Variants in SOD2 observed in about 807,000 individuals in gnomAD.
SOD2 encodes superoxide dismutase [Mn], mitochondrial.
Under a neutral mutation model 27.0 loss-of-function variants are expected in SOD2, and 11 were observed. The ratio of observed to expected loss-of-function variants is 0.41; its 90% CI spans 0.26 to 0.67. SOD2 has a LOEUF of 0.67. SOD2 is among the 30% of genes least tolerant of loss of function. SOD2 has a pLI of 0.34. For missense variants in SOD2, 250 were observed against 274.5 expected, an observed-to-expected ratio of 0.91 and a Z score of 0.63; for synonymous variants, 105 against 103.0, an observed-to-expected ratio of 1.02 and a Z score of -0.12.
upstream of SOD2, chr6:159,727,597 C>T: frequency 1.0e-6 from 1 of 986,536 alleles, no homozygotes; most frequent in Non-Finnish European, 1.2e-6. Flanking sequence ...GGGCCGGCGG[C>T]AGAGCTGTCC....
At chr6:159,713,947 CT>C in intron 1 of SOD2, 2 of 850,272 alleles carry the variant, frequency 2.4e-6, no homozygotes, top group Non-Finnish European at 3.7e-6. Context: ...GGCCCTGGAC[CT>C]TCACCACGAA....
intron 1 of SOD2, chr6:159,726,921 G>A (rs1194138357): frequency 1.6e-6 from 2 of 1,288,794 alleles, no homozygotes; most frequent in Non-Finnish European, 2.0e-6. Context: ...GGTGGCACCT[G>A]GTCCTCCGAC....
At chr6:159,719,915 G>A (rs186668155) in intron 1 of SOD2, among the ~76,000 whole-genome samples, 1 of 151,154 alleles carries the variant, frequency 6.6e-6, no homozygotes, top group Non-Finnish European at 1.5e-5. Context: ...GCAGAGACAG[G>A]GTTTCACCAT....
intron 1 of SOD2, among the ~76,000 whole-genome samples, chr6:159,702,654 C>CAAAAAA (rs750073120): frequency 3.3e-4 from 13 of 39,822 alleles, no homozygotes; most frequent in East Asian, 8.7e-4. Flanking sequence ...TCTATCTCTC[C>CAAAAAA]AAAAAAAAAA....
At chr6:159,693,039 G>T (rs1423738940) in intron 1 of SOD2, 106 bp downstream of exon 1, 5 of 1,469,408 alleles carry the variant, frequency 3.4e-6, no homozygotes, top group Non-Finnish European at 2.7e-6. Flanking sequence ...CAGGTGCCCC[G>T]GTCCCGCCAG....
chr6:159,703,245 T>C (rs962026347), intron 1 of SOD2, among the ~76,000 whole-genome samples: 2 of 151,538 alleles, frequency 1.3e-5, no homozygotes, highest in Non-Finnish European at 1.5e-5. Flanking sequence ...ACCCAGGAGA[T>C]GGAGGTTGCA....
chr6:159,738,874 C>A, intron 1 of SOD2: 8 of 622,932 alleles, frequency 1.3e-5, no homozygotes, highest in South Asian at 7.2e-5. Context: ...TTCAAAAAAT[C>A]ATAATATGTA....
intron 1 of SOD2, among the ~76,000 whole-genome samples, chr6:159,698,491 G>A (rs1316394120): frequency 6.8e-6 from 1 of 147,802 alleles, no homozygotes; most frequent in Admixed American, 6.8e-5. Context: ...AGAATCGCTT[G>A]AGCCTGGGAG....
In SOD2 at chr6:159,685,046, A is replaced by T; in HGVS notation, c.344-13T>A. The stretch of plus-strand genomic sequence containing the variant: ...TCCAGCAACTCCCCTATTAAAAAAA[A>T]AATCCAAAACCACCCACAAATGAAC... On this transcript the variant is annotated splice_polypyrimidine_tract_variant and intron_variant, in intron 3 of 4. Coordinates refer to ENST00000538183, the MANE Select transcript of SOD2 (RefSeq NM_000636.4). 1 of 1,575,174 alleles carries T rather than the reference A, an allele frequency of 6.3e-7. No individual in the cohort carries two copies. The highest frequency in any genetic ancestry group is 2.0e-5 in the Admixed American group (1 of 50,518).
chr6:159,745,417 T>A (rs1340956196), upstream of SOD2, among the ~76,000 whole-genome samples: 1 of 151,990 alleles, frequency 6.6e-6, no homozygotes, highest in African/African-American at 2.4e-5. Context: ...TCAACTATAA[T>A]GGAACCTAAC....
At chr6:159,747,608 A>C (rs1027360649), upstream of SOD2, among the ~76,000 whole-genome samples, 1 of 152,228 alleles carries the variant, frequency 6.6e-6, no homozygotes, top group African/African-American at 2.4e-5. Context: ...TGTGTATTTT[A>C]AGTTATAATC....
At chr6:159,754,486 A>T (rs1562468384) in intron 1 of SOD2, among the ~76,000 whole-genome samples, 1 of 152,220 alleles carries the variant, frequency 6.6e-6, no homozygotes. Context: ...ATATGGCAAG[A>T]TGGATCAAAA....
At chr6:159,752,061 TC>T (rs1779840455) in intron 1 of SOD2, among the ~76,000 whole-genome samples, 2 of 128,432 alleles carry the variant, frequency 1.6e-5, no homozygotes, top group African/African-American at 5.9e-5. Context: ...GACCCCCATC[TC>T]AAAAAAAAAA....
chr6:159,742,674 A>G (rs1268565182), intron 1 of SOD2, among the ~76,000 whole-genome samples: 5 of 152,146 alleles, frequency 3.3e-5, no homozygotes, highest in African/African-American at 7.2e-5. Context: ...ATAAAAACCA[A>G]TATATATTGT....
At chr6:159,755,661 A>G in intron 1 of SOD2, 2 of 1,473,840 alleles carry the variant, frequency 1.4e-6, no homozygotes, top group South Asian at 1.4e-5. Context: ...GGGAGAGGAT[A>G]CTGTCCAGAA....
At chr6:159,746,700 T>C (rs1416856737), upstream of SOD2, among the ~76,000 whole-genome samples, 2 of 152,230 alleles carry the variant, frequency 1.3e-5, no homozygotes, top group Admixed American at 1.3e-4. Context: ...AAATCTGTCA[T>C]TTTTGTTCAC....
intron 1 of SOD2, among the ~76,000 whole-genome samples, chr6:159,724,907 AGAGG>A (rs1259275019): frequency 2.3e-5 from 3 of 130,140 alleles, no homozygotes; most frequent in Non-Finnish European, 4.9e-5. Flanking sequence ...AGGGGGGAAG[AGAGG>A]GAGGGAGGGA....
intron 1 of SOD2, among the ~76,000 whole-genome samples, chr6:159,710,867 AGCTGCTCTGACCTCCATAACCGCCTCG>A (rs1777728636): frequency 6.7e-6 from 1 of 148,188 alleles, no homozygotes; most frequent in Non-Finnish European, 1.5e-5. Context: ...ACCACCACTC[AGCTGCTCTGACCTCCATAACCGCCTCG>A]ACAACCACCA....
chr6:159,724,805 TC>T (rs1006107658), intron 1 of SOD2, among the ~76,000 whole-genome samples: 2 of 146,244 alleles, frequency 1.4e-5, no homozygotes, highest in Non-Finnish European at 3.0e-5. Flanking sequence ...TGAGCCATGA[TC>T]GTACCACTGC....
Sources: gnomAD v4.1 joint callset for allele counts (sites outside exome capture counted in the v4.1 genomes callset) on GRCh38, gnomAD v4.1.1 for gene constraint, MANE v1.5 for transcripts, NCBI Gene and HGNC (gene_info 2026-07-23, HGNC 2026-07-21) for gene names.